SCRG1: variants seen among roughly 807,000 people sequenced by gnomAD.
SCRG1 encodes the protein stimulator of chondrogenesis 1.
SCRG1 carries 3 observed loss-of-function variants against 7.7 expected under a neutral mutation model. The ratio of observed to expected loss-of-function variants is 0.39; its 90% CI spans 0.18 to 1.01. The LOEUF is 1.01. Among genes scored for constraint, SCRG1 ranks in the 50% least tolerant of loss-of-function variants. The pLI, the probability that SCRG1 is intolerant of heterozygous loss-of-function variation, is 0.36. For missense variants in SCRG1, 110 were observed against 117.2 expected (o/e 0.94, Z 0.28); for synonymous variants, 46 against 41.2 (o/e 1.12, Z -0.44).
At chr4:173,476,423 G>C in the SCRG1 span, among the ~76,000 whole-genome samples, 2 of 144,298 alleles carry the variant, frequency 1.4e-5, no homozygotes, top group African/African-American at 5.1e-5. Flanking sequence ...GCCTCATAAG[G>C]ATTGAATTTG....
At chr4:173,422,483 C>T in the SCRG1 span, among the ~76,000 whole-genome samples, 1 of 152,180 alleles carries the variant, frequency 6.6e-6, no homozygotes, top group Non-Finnish European at 1.5e-5. Flanking sequence ...TGTAGCCACT[C>T]ACTTCACATC....
chr4:173,466,460 C>T, the SCRG1 span, among the ~76,000 whole-genome samples: 2 of 152,106 alleles, frequency 1.3e-5, no homozygotes, highest in South Asian at 4.1e-4. Context: ...AAGATACAGT[C>T]AAATGGCAGA....
chr4:173,438,190 A>T, the SCRG1 span, among the ~76,000 whole-genome samples: 1 of 152,120 alleles, frequency 6.6e-6, no homozygotes, highest in East Asian at 1.9e-4. Context: ...ATCTGGGCTC[A>T]CTGCAGTATT....
upstream of SCRG1, among the ~76,000 whole-genome samples, chr4:173,408,438 G>A (rs1015640346): frequency 2.6e-5 from 4 of 152,164 alleles, no homozygotes; most frequent in African/African-American, 9.7e-5. Context: ...CACACTCTAT[G>A]TTAGTGACTC....
the SCRG1 span, among the ~76,000 whole-genome samples, chr4:173,465,809 A>G: frequency 2.6e-5 from 4 of 151,792 alleles, no homozygotes; most frequent in Non-Finnish European, 5.9e-5. Flanking sequence ...TCTGGTAACT[A>G]CCAATCTATT....
intron 1 of SCRG1, among the ~76,000 whole-genome samples, chr4:173,392,214 T>A (rs1739469591): frequency 1.3e-5 from 2 of 152,232 alleles, no homozygotes; most frequent in Non-Finnish European, 2.9e-5. Context: ...TAGATATATT[T>A]ATAGTTTGAT....
At chr4:173,425,394 A>G in the SCRG1 span, among the ~76,000 whole-genome samples, 1 of 152,246 alleles carries the variant, frequency 6.6e-6, no homozygotes, top group Non-Finnish European at 1.5e-5. Context: ...AGTCAACAGC[A>G]AGGAATTTTC....
the SCRG1 span, among the ~76,000 whole-genome samples, chr4:173,511,270 G>T: frequency 6.6e-6 from 1 of 152,066 alleles, no homozygotes; most frequent in African/African-American, 2.4e-5. This position sits in a 1 kb window ranked among gnomAD's most constrained non-coding sequence, Gnocchi z 5.2. Flanking sequence ...GAGCCACCGC[G>T]CGCCGGGTGG....
At chr4:173,393,285 T>C (rs1190217857) in intron 1 of SCRG1, among the ~76,000 whole-genome samples, 2 of 152,214 alleles carry the variant, frequency 1.3e-5, no homozygotes, top group East Asian at 3.8e-4. Flanking sequence ...AGAGTTTCTT[T>C]GTCTCACATT....
chr4:173,409,474 T>C (rs1739992137), upstream of SCRG1, among the ~76,000 whole-genome samples: 1 of 152,224 alleles, frequency 6.6e-6, no homozygotes, highest in African/African-American at 2.4e-5. Flanking sequence ...AAACTATTTG[T>C]GCTATGCTCT....
At chr4:173,510,061 A>G in the SCRG1 span, among the ~76,000 whole-genome samples, 3 of 152,324 alleles carry the variant, frequency 2.0e-5, no homozygotes, top group African/African-American at 7.2e-5. The surrounding 1 kb of genome is among the most constrained non-coding windows in gnomAD (Gnocchi z 5.7). Flanking sequence ...GATTGATTTA[A>G]TTAGCTGGTA....
the SCRG1 span, among the ~76,000 whole-genome samples, chr4:173,438,043 G>A: frequency 6.6e-6 from 1 of 152,292 alleles, no homozygotes; most frequent in South Asian, 2.1e-4. Context: ...TTGTGGTTGT[G>A]TAGCTTCAGC....
chr4:173,517,113 G>A, the SCRG1 span, among the ~76,000 whole-genome samples: 1 of 152,126 alleles, frequency 6.6e-6, no homozygotes, highest in Non-Finnish European at 1.5e-5. Context: ...GGGAGGTCCC[G>A]GCCCCAAAGC....
the SCRG1 span, among the ~76,000 whole-genome samples, chr4:173,424,973 T>C: frequency 7.7e-6 from 1 of 129,392 alleles, no homozygotes; most frequent in Middle Eastern, 4.5e-3. Flanking sequence ...TGAATGACTT[T>C]GTAAACCCAA....
chr4:173,417,604 T>C, the SCRG1 span, among the ~76,000 whole-genome samples: 10 of 139,652 alleles, frequency 7.2e-5, no homozygotes, highest in East Asian at 2.6e-4. Context: ...CCCTCCCTCC[T>C]TCCTTCCTTC....
chr4:173,505,846 G>A, the SCRG1 span, among the ~76,000 whole-genome samples: 2 of 152,302 alleles, frequency 1.3e-5, no homozygotes, highest in African/African-American at 4.8e-5. This position sits in a 1 kb window ranked among gnomAD's most constrained non-coding sequence, Gnocchi z 4.4. Context: ...AGGTTAACAC[G>A]TGGGTTTCCA....
the SCRG1 span, among the ~76,000 whole-genome samples, chr4:173,453,445 C>T: frequency 2.4e-4 from 37 of 152,150 alleles, 1 homozygote; most frequent in Admixed American, 1.2e-3. Flanking sequence ...ATTGTGCGAA[C>T]ATCATAGAAT....
chr4:173,436,081 C>A, the SCRG1 span, among the ~76,000 whole-genome samples: 1 of 134,658 alleles, frequency 7.4e-6, no homozygotes, highest in Non-Finnish European at 1.6e-5. Flanking sequence ...TTAATTATTT[C>A]AATTAAAAGG....
chr4:173,396,988 G>T (rs891308504), intron 1 of SCRG1, among the ~76,000 whole-genome samples: 1 of 152,130 alleles, frequency 6.6e-6, no homozygotes, highest in African/African-American at 2.4e-5. Context: ...CGGAGGCAGA[G>T]GTTGCAGTGA....
Sources: allele counts gnomAD v4.1 joint callset (sites outside exome capture counted in the v4.1 genomes callset), GRCh38; gene constraint gnomAD v4.1.1; non-coding constraint Gnocchi (gnomAD v3.1); transcripts MANE v1.5; gene names NCBI Gene and HGNC (gene_info 2026-07-23, HGNC 2026-07-21).